Variants in BTBD16 observed in about 807,000 individuals in gnomAD.
The protein encoded by BTBD16 is BTB/POZ domain-containing protein 16.
Under a neutral mutation model 67.4 loss-of-function variants are expected in BTBD16, and 66 were observed. That is an observed-to-expected ratio of 0.98 (90% CI 0.80 to 1.20). The LOEUF (loss-of-function observed/expected upper bound fraction) is 1.20. Ranked by LOEUF, BTBD16 falls within the 50% of genes most tolerant of loss-of-function variation. The pLI, the probability that BTBD16 is intolerant of heterozygous loss-of-function variation, is 0.00. For missense variants in BTBD16, 634 were observed against 616.0 expected, an observed-to-expected ratio of 1.03 and a Z score of -0.31; for synonymous variants, 242 against 236.4, an observed-to-expected ratio of 1.02 and a Z score of -0.22.
chr10:122,274,347 G>C, intron 1 of BTBD16, among the ~76,000 whole-genome samples: 1 of 152,210 alleles, frequency 6.6e-6, no homozygotes, highest in East Asian at 1.9e-4. Context: ...CATGCTGGAG[G>C]CAGCGCCTGA....
intron 9 of BTBD16, among the ~76,000 whole-genome samples, chr10:122,300,988 C>T (rs1464040595): frequency 2.6e-5 from 4 of 152,100 alleles, no homozygotes; most frequent in Non-Finnish European, 4.4e-5. Flanking sequence ...GCAGGTAGAA[C>T]AGAGTTCTGG....
At chr10:122,289,537 G>A (rs1006735476) in intron 5 of BTBD16, among the ~76,000 whole-genome samples, 9 of 152,100 alleles carry the variant, frequency 5.9e-5, no homozygotes, top group African/African-American at 1.2e-4. Context: ...TCAGGAGTTC[G>A]AGACCAGCCT....
chr10:122,309,512 T>C (rs571027523), intron 10 of BTBD16, among the ~76,000 whole-genome samples: 108 of 151,962 alleles, frequency 7.1e-4, no homozygotes, highest in Non-Finnish European at 9.4e-4. Context: ...ACCCAGCTAA[T>C]TTTTGTACTT....
intron 10 of BTBD16, among the ~76,000 whole-genome samples, chr10:122,325,469 G>A (rs1309534422): frequency 1.3e-5 from 2 of 152,070 alleles, no homozygotes; most frequent in Non-Finnish European, 2.9e-5. Context: ...GTGCATGGAG[G>A]TAACAACACA....
At chr10:122,281,132 G>T (rs58177114) in intron 3 of BTBD16, among the ~76,000 whole-genome samples, 1,600 of 152,282 alleles carry the variant, frequency 0.011, 27 homozygotes, top group African/African-American at 0.034. Context: ...AAGGAAAAGT[G>T]AGGAGGATTA....
At chr10:122,294,617 C>A (rs915972758) in intron 7 of BTBD16, among the ~76,000 whole-genome samples, 1 of 152,264 alleles carries the variant, frequency 6.6e-6, no homozygotes, top group Non-Finnish European at 1.5e-5. Flanking sequence ...TTCCTCCAGG[C>A]TCACAGGGCC....
intron 5 of BTBD16, 48 bp downstream of exon 5, chr10:122,286,296 T>G (rs1263778999): frequency 6.4e-7 from 1 of 1,555,466 alleles, no homozygotes; most frequent in Admixed American, 2.0e-5. Flanking sequence ...GCCCTCTAGC[T>G]TGACGGTCCC....
intron 10 of BTBD16, among the ~76,000 whole-genome samples, chr10:122,308,462 G>A (rs943304987): frequency 9.2e-5 from 14 of 152,164 alleles, no homozygotes; most frequent in Non-Finnish European, 1.8e-4. Flanking sequence ...AATTTTCTTC[G>A]TTGGAAACCA....
At chr10:122,306,073 A>G (rs1460495944) in intron 9 of BTBD16, among the ~76,000 whole-genome samples, 2 of 152,156 alleles carry the variant, frequency 1.3e-5, no homozygotes, top group Non-Finnish European at 1.5e-5. Flanking sequence ...ATTCTAGATG[A>G]CCTGGGTGGG....
intron 12 of BTBD16, chr10:122,332,181 T>C (rs1374298646): frequency 4.6e-6 from 2 of 439,512 alleles, no homozygotes; most frequent in Non-Finnish European, 8.2e-6. Context: ...ACATTTTATT[T>C]CCCATGTGAG....
At chr10:122,316,866 G>T (rs973444012) in intron 10 of BTBD16, among the ~76,000 whole-genome samples, 1 of 151,364 alleles carries the variant, frequency 6.6e-6, no homozygotes, top group South Asian at 2.1e-4. Context: ...TCGGTTCACC[G>T]CATCTCCGCC....
chr10:122,275,134 G>T, intron 2 of BTBD16, 35 bp downstream of exon 2: 1 of 1,602,760 alleles, frequency 6.2e-7, no homozygotes, highest in Non-Finnish European at 8.5e-7. Context: ...GGTAGGTGAT[G>T]AGAAGAAGCA....
intron 10 of BTBD16, among the ~76,000 whole-genome samples, chr10:122,328,225 C>G (rs994708230): frequency 6.6e-6 from 1 of 152,190 alleles, no homozygotes; most frequent in Admixed American, 6.5e-5. Context: ...GGCACAGGCA[C>G]CGCACCCACC....
intron 14 of BTBD16, 27 bp downstream of exon 14, chr10:122,335,006 G>A (rs2133329978): frequency 9.0e-7 from 1 of 1,116,878 alleles, no homozygotes; most frequent in Non-Finnish European, 1.3e-6. Flanking sequence ...TGAAAGTTAT[G>A]TCTCTGAGAC....
Position 122,306,092 on chromosome 10 carries a change from G to A in BTBD16, c.792-1097G>A, listed in dbSNP as rs558865651. 2.2e-3 allele frequency among the ~76,000 whole-genome samples: 329 copies of A among 152,282 alleles called. 1 individual carries two copies. The highest frequency in any genetic ancestry group is 2.7e-3 in the Non-Finnish European group (181 of 68,032). ...TAGATGACCTGGGTGGGCCCATGGT[G>A]ATCACAAGGACCTTGTAAATGTGAA... is the stretch of plus-strand genomic sequence containing the variant. On this transcript the variant is annotated intron_variant, in intron 9 of 15. Coordinates refer to ENST00000260723, the MANE Select transcript of BTBD16 (RefSeq NM_144587.5).
Position 122,336,548 on chromosome 10 carries a change from G to A in BTBD16, c.1318G>A (p.Val440Ile), listed in dbSNP as rs200306295. ...SPSAVYEHNHVSLRAARLVKY... is the reference protein window; with the variant it reads ...SPSAVYEHNHISLRAARLVKY... ...CTCTGCGGTCTACGAGCACAACCACGTCAGCCTGCGAGCGGCACGCCTGGT... is the reference window on the plus strand; with the variant it reads ...CTCTGCGGTCTACGAGCACAACCACATCAGCCTGCGAGCGGCACGCCTGGT... Residue 440 changes from valine to isoleucine, a missense_variant, in exon 15 of 16, where the codon GTC becomes ATC. Transcript: ENST00000260723. 80 of 1,612,142 alleles carry A rather than the reference G, an allele frequency of 5.0e-5. No homozygotes were observed. The highest frequency in any genetic ancestry group is 2.0e-4 in the African/African-American group (15 of 74,904).
At chr10:122,295,142 C>T (rs1018663059) in intron 7 of BTBD16, among the ~76,000 whole-genome samples, 2 of 152,156 alleles carry the variant, frequency 1.3e-5, no homozygotes, top group African/African-American at 2.4e-5. Context: ...CGCTGCTTCC[C>T]GGCAGTCTGT....
Position 122,286,207 on chromosome 10 carries a change from G to T in BTBD16, c.344G>T (p.Gly115Val), listed in dbSNP as rs1284449337. 8 of 1,613,598 alleles carry T rather than the reference G, an allele frequency of 5.0e-6. No individual in the cohort carries two copies. Among genetic ancestry groups the T allele is most frequent in the Non-Finnish European group, 5.9e-6 (7 of 1,179,686 alleles). The change falls in exon 5 of 16, where the codon GGC (glycine) becomes GTC (valine). Residue 115 changes from glycine (G) to valine (V), a missense_variant. Coordinates refer to ENST00000260723, the MANE Select transcript of BTBD16 (RefSeq NM_144587.5). ...AKLYLKALAQGTTHPLRELEE... is the reference protein window; with the variant it reads ...AKLYLKALAQVTTHPLRELEE... ...CTCTACCTGAAAGCCCTGGCGCAGGGCACCACACACCCCCTGAGGGAGCTG... is the reference window on the plus strand; with the variant it reads ...CTCTACCTGAAAGCCCTGGCGCAGGTCACCACACACCCCCTGAGGGAGCTG...
At chr10:122,288,132 A>C (rs2096367173) in intron 5 of BTBD16, among the ~76,000 whole-genome samples, 1 of 152,188 alleles carries the variant, frequency 6.6e-6, no homozygotes, top group Non-Finnish European at 1.5e-5. Context: ...CAAGCCCAAA[A>C]TGCTGGGAAA....
Sources: gnomAD v4.1 joint callset for allele counts (sites outside exome capture counted in the v4.1 genomes callset) on GRCh38, gnomAD v4.1.1 for gene constraint, MANE v1.5 for transcripts, NCBI Gene and HGNC (gene_info 2026-07-23, HGNC 2026-07-21) for gene names.